Variants in AP2B1 observed in about 807,000 individuals in gnomAD.
AP2B1 encodes the protein adaptor related protein complex 2 subunit beta 1, also known as AP-2 complex subunit beta.
A neutral mutation model predicts 102.0 loss-of-function variants in AP2B1; 23 were observed. The observed-to-expected ratio is 0.23, with a 90% confidence interval of 0.16 to 0.32. The LOEUF (loss-of-function observed/expected upper bound fraction) is 0.32, where lower values mean the gene tolerates loss of function less well. Among genes scored for constraint, AP2B1 ranks in the 10% least tolerant of loss-of-function variants. AP2B1 has a pLI of 1.00. For missense variants in AP2B1, 541 were observed against 1,157.4 expected (o/e 0.47, Z 7.73); for synonymous variants, 381 against 421.2 (o/e 0.90, Z 1.17).
In AP2B1 at chr17:35,612,880, GCA is replaced by G. The variant is rs55739970; in HGVS notation, c.525+4520_525+4521del. Among the ~76,000 whole-genome samples, 524 of 143,944 alleles carry G rather than the reference GCA, an allele frequency of 3.6e-3. 3 individuals are homozygous for G. The highest frequency in any genetic ancestry group is 0.013 in the African/African-American group (485 of 38,236). 94.4% of individuals were successfully genotyped at this position (143,944 alleles called of 152,430 possible). A position where few individuals can be genotyped will look rare whatever the true frequency, so the allele number is the denominator to read the frequency against. On this transcript the variant is annotated intron_variant, in intron 5 of 21. Coordinates refer to ENST00000610402, the MANE Select transcript of AP2B1 (RefSeq NM_001030006.2). ...TGAGGTCATTTAAATGTGTATGTGCGCACACACACACACACACACACACACAC... is the reference window on the plus strand; with the variant it reads ...TGAGGTCATTTAAATGTGTATGTGCGCACACACACACACACACACACACAC...
intron 5 of AP2B1, among the ~76,000 whole-genome samples, chr17:35,619,025 G>C (rs1254550293): frequency 6.6e-6 from 1 of 152,058 alleles, no homozygotes; most frequent in Non-Finnish European, 1.5e-5. Flanking sequence ...CCCTTCCCTT[G>C]GTTGAAGTTC....
chr17:35,686,030 T>C (rs1470320187), intron 18 of AP2B1, among the ~76,000 whole-genome samples: 1 of 152,240 alleles, frequency 6.6e-6, no homozygotes, highest in East Asian at 1.9e-4. Context: ...CCCAAAGTGC[T>C]GGGATTACAG....
chr17:35,615,858 T>C (rs1414274448), intron 5 of AP2B1, among the ~76,000 whole-genome samples: 2 of 152,098 alleles, frequency 1.3e-5, no homozygotes, highest in African/African-American at 2.4e-5. Flanking sequence ...GTTCCTCAAA[T>C]TGTGTTTCAT....
intron 18 of AP2B1, among the ~76,000 whole-genome samples, chr17:35,699,327 A>G (rs1213573636): frequency 6.6e-6 from 1 of 152,236 alleles, no homozygotes; most frequent in Admixed American, 6.5e-5. Flanking sequence ...TATTAGGGAC[A>G]TGGAACCACT....
intron 14 of AP2B1, among the ~76,000 whole-genome samples, chr17:35,670,443 C>G (rs942744227): frequency 1.3e-5 from 2 of 152,082 alleles, no homozygotes; most frequent in Admixed American, 6.6e-5. Flanking sequence ...AACACCTCCC[C>G]ACCCTTTCCG....
intron 1 of AP2B1, among the ~76,000 whole-genome samples, chr17:35,589,662 T>A (rs1015590501): frequency 6.6e-6 from 1 of 152,230 alleles, no homozygotes; most frequent in Admixed American, 6.5e-5. Context: ...AGAGTGATTA[T>A]GTGCTTTGAC....
At chr17:35,679,943 T>G (rs970333122) in intron 17 of AP2B1, among the ~76,000 whole-genome samples, 1 of 129,150 alleles carries the variant, frequency 7.7e-6, no homozygotes, top group Non-Finnish European at 1.6e-5. Flanking sequence ...TTTTTTTTTT[T>G]GAGACAGAGT....
intron 18 of AP2B1, among the ~76,000 whole-genome samples, chr17:35,699,460 G>T (rs1485405834): frequency 6.6e-6 from 1 of 152,126 alleles, no homozygotes; most frequent in Admixed American, 6.5e-5. Context: ...ACAGCAGTTT[G>T]GTACCATTTG....
chr17:35,599,098 A>G (rs941421144), intron 3 of AP2B1, among the ~76,000 whole-genome samples: 1 of 152,252 alleles, frequency 6.6e-6, no homozygotes, highest in Admixed American at 6.5e-5. Flanking sequence ...ATGAGCAGTA[A>G]AAATTTGTTT....
intron 14 of AP2B1, among the ~76,000 whole-genome samples, chr17:35,665,576 TAGTTA>T (rs747666908): frequency 1.3e-5 from 2 of 152,212 alleles, no homozygotes; most frequent in African/African-American, 4.8e-5. Context: ...ATTTTGACGA[TAGTTA>T]AGTTTTATTG....
intron 21 of AP2B1, among the ~76,000 whole-genome samples, chr17:35,720,482 T>C (rs1202134510): frequency 6.8e-6 from 1 of 146,166 alleles, no homozygotes; most frequent in African/African-American, 2.5e-5. Flanking sequence ...TTAAAAAAAA[T>C]AGATTCTGTC....
intron 14 of AP2B1, among the ~76,000 whole-genome samples, chr17:35,662,039 G>A (rs2075368736): frequency 6.6e-6 from 1 of 152,166 alleles, no homozygotes; most frequent in African/African-American, 2.4e-5. Flanking sequence ...CCTGAAAGCT[G>A]TGGCCTTCCT....
At chr17:35,637,250 T>A (rs187867873) in intron 10 of AP2B1, among the ~76,000 whole-genome samples, 3 of 152,316 alleles carry the variant, frequency 2.0e-5, no homozygotes, top group Non-Finnish European at 4.4e-5. Context: ...AGTGGTGCGA[T>A]CGCAGCTCAC....
In AP2B1 at chr17:35,617,187, C is replaced by T. The variant is rs1198419615; in HGVS notation, c.526-7210C>T. Among the ~76,000 whole-genome samples the T allele has an allele frequency of 8.5e-5, 13 of 152,274 alleles. No individual in the cohort carries two copies. In the South Asian group the frequency reaches 2.7e-3, roughly 32 times the overall value. On this transcript the variant is annotated intron_variant, in intron 5 of 21. Coordinates refer to ENST00000610402, the MANE Select transcript of AP2B1 (RefSeq NM_001030006.2). ...TCTCCCACTTCAGCCTTCTGAGTAG[C>T]TGAGAGTACAGGCACATGCCATCAT...
At position 35,717,342 on chromosome 17, in the gene AP2B1, A is replaced by G. The variant is rs782541289; in HGVS notation, c.2774A>G (p.Asn925Ser). The G allele has an allele frequency of 1.9e-6, 3 of 1,614,152 alleles. No homozygotes were observed. Among genetic ancestry groups the G allele is most frequent in the East Asian group, 2.2e-5 (1 of 44,886 alleles). Residue 925 changes from asparagine to serine, a missense_variant, in exon 21 of 22, where the codon AAT (asparagine) becomes AGT (serine). This residue lies in a region of AP2B1 where 117 missense variants were observed against 206.7 expected (regional missense o/e 0.57). Coordinates refer to ENST00000610402, the MANE Select transcript of AP2B1 (RefSeq NM_001030006.2). Reference sequence around the variant, plus strand: ...CTACGTATCCAGCCAGGAAACCCCAATTACACGGTAAGGCCTTTCTCAGAA... The same window carrying G: ...CTACGTATCCAGCCAGGAAACCCCAGTTACACGGTAAGGCCTTTCTCAGAA... ...AELRIQPGNPNYTLSLKCRAP... is the reference protein window; with the variant it reads ...AELRIQPGNPSYTLSLKCRAP...
intron 12 of AP2B1, among the ~76,000 whole-genome samples, chr17:35,646,586 AT>A (rs34634602): frequency 0.025 from 3,345 of 135,562 alleles, 34 homozygotes; most frequent in African/African-American, 0.039. Context: ...TATATATATA[AT>A]TTTTTTTTTT....
At chr17:35,686,616 A>G (rs2075937460) in intron 18 of AP2B1, among the ~76,000 whole-genome samples, 1 of 152,142 alleles carries the variant, frequency 6.6e-6, no homozygotes, top group Non-Finnish European at 1.5e-5. Context: ...TCATTCTTTC[A>G]AGTTTTCAGG....
chr17:35,698,388 C>T (rs1219896642), intron 18 of AP2B1, among the ~76,000 whole-genome samples: 1 of 152,180 alleles, frequency 6.6e-6, no homozygotes, highest in African/African-American at 2.4e-5. Context: ...CAGCTTACTG[C>T]AGCCTTGACC....
At chr17:35,714,442 T>G (rs2076511812) in intron 20 of AP2B1, among the ~76,000 whole-genome samples, 1 of 152,184 alleles carries the variant, frequency 6.6e-6, no homozygotes, top group East Asian at 2.0e-4. Context: ...ATGTGTGACC[T>G]TAGCTAAAGT....
Sources: allele counts gnomAD v4.1 joint callset (sites outside exome capture counted in the v4.1 genomes callset), GRCh38; gene constraint gnomAD v4.1.1; regional missense constraint gnomAD v4.1.1; transcripts MANE v1.5; gene names NCBI Gene and HGNC (gene_info 2026-07-23, HGNC 2026-07-21).